SLC8A1: variants seen among roughly 807,000 people sequenced by gnomAD.
The protein encoded by SLC8A1 is solute carrier family 8 member A1.
A neutral mutation model predicts 68.3 loss-of-function variants in SLC8A1; 18 were observed. The ratio of observed to expected loss-of-function variants is 0.26; its 90% CI spans 0.18 to 0.39. The LOEUF is 0.39. Ranked by LOEUF, SLC8A1 falls within the 10% of genes least tolerant of loss-of-function variation. The pLI is 1.00. For missense variants in SLC8A1, 985 were observed against 1,156.7 expected (o/e 0.85, Z 2.15); for synonymous variants, 475 against 415.5 (o/e 1.14, Z -1.74).
At chr2:40,197,272 T>C (rs540204179) in intron 2 of SLC8A1, among the ~76,000 whole-genome samples, 1 of 152,014 alleles carries the variant, frequency 6.6e-6, no homozygotes, top group Non-Finnish European at 1.5e-5. Flanking sequence ...TACGCATGCA[T>C]GTAACTGCTA....
At chr2:40,372,583 T>C (rs1305736520) in intron 2 of SLC8A1, among the ~76,000 whole-genome samples, 1 of 151,662 alleles carries the variant, frequency 6.6e-6, no homozygotes, top group Admixed American at 6.6e-5. Context: ...GTGGTTGACT[T>C]CTTTTCTTTT....
Position 40,510,072 on chromosome 2 carries a change from C to T in SLC8A1, c.-25+2277G>A, listed in dbSNP as rs369395891. On this transcript the variant is annotated intron_variant, in intron 1 of 7. Coordinates refer to the SLC8A1 transcript ENST00000402441. ...CGATCTCTTGACCTCATGGTCTGCC[C>T]TCCTCAGCCTCCCAAAGTGCTGGGA... Among the ~76,000 whole-genome samples the T allele has an allele frequency of 5.9e-5, 9 of 152,230 alleles. No individual in the cohort carries two copies. In the East Asian group the frequency reaches 1.7e-3, roughly 30 times the overall value.
At chr2:40,125,238 A>C (rs17559651) in intron 7 of SLC8A1, among the ~76,000 whole-genome samples, 53,276 of 152,008 alleles carry the variant, frequency 0.35, 11,022 homozygotes, top group Middle Eastern at 0.51. Context: ...GATGAAAAGC[A>C]TCCTATATAC....
chr2:40,157,947 T>C lies in SLC8A1; in HGVS notation c.2161+2818A>G, dbSNP rs572087237. Among the ~76,000 whole-genome samples, 4 of 152,324 alleles carry C rather than the reference T, an allele frequency of 2.6e-5. No homozygotes were observed. In the South Asian group the frequency reaches 6.2e-4, roughly 24 times the overall value. ...CACAGGAGGCCCAAGTACTGAGCTATGAAATTCAGAAAAAGCAGAGGGACA... is the reference window on the plus strand; with the variant it reads ...CACAGGAGGCCCAAGTACTGAGCTACGAAATTCAGAAAAAGCAGAGGGACA... On this transcript the variant is annotated intron_variant, in intron 6 of 7. Coordinates refer to ENST00000406785, the Ensembl canonical transcript of SLC8A1.
At chr2:40,435,960 G>A (rs923376064) in intron 1 of SLC8A1, among the ~76,000 whole-genome samples, 2 of 95,986 alleles carry the variant, frequency 2.1e-5, no homozygotes, top group African/African-American at 3.9e-5. Flanking sequence ...TTTTTTTTTT[G>A]TATTTTTAGT....
chr2:40,184,153 C>T (rs753230408), intron 2 of SLC8A1, among the ~76,000 whole-genome samples: 7 of 151,944 alleles, frequency 4.6e-5, no homozygotes, highest in African/African-American at 1.2e-4. Context: ...TCCAGAACTG[C>T]GAGACAGAGT....
At chr2:40,189,637 T>C (rs1446042531) in intron 2 of SLC8A1, 3 of 152,176 alleles carry the variant, frequency 2.0e-5, no homozygotes, top group Non-Finnish European at 4.4e-5. Flanking sequence ...ATTAAAGTAA[T>C]ACTTGCTAAT....
chr2:40,334,925 C>T (rs759849089), intron 2 of SLC8A1, among the ~76,000 whole-genome samples: 1 of 152,182 alleles, frequency 6.6e-6, no homozygotes, highest in African/African-American at 2.4e-5. Flanking sequence ...ATGTCACCTA[C>T]CACTGTCCTT....
chr2:40,388,320 T>C lies in SLC8A1; in HGVS notation c.1808+40153A>G, dbSNP rs1379837890. Among the ~76,000 whole-genome samples, 12 of 152,262 alleles carry C rather than the reference T, an allele frequency of 7.9e-5. No homozygotes were observed. In the East Asian group the frequency reaches 2.3e-3, roughly 29 times the overall value. On this transcript the variant is annotated intron_variant, in intron 2 of 7. Coordinates refer to ENST00000406785, the Ensembl canonical transcript of SLC8A1. ...GTGTGTCCCCGTGAAACATAAGATA[T>C]ATAGTTGTTGTTGCATAATGAGTTC...
rs1227842469 is a variant in SLC8A1 at position 40,345,994 on chromosome 2, C to T, written c.1808+82479G>A. ...ACCTGCACATACTGCACGTGTATCCCCAGAACTTAAAGTAAAATTAAAATA... is the reference window on the plus strand; with the variant it reads ...ACCTGCACATACTGCACGTGTATCCTCAGAACTTAAAGTAAAATTAAAATA... On this transcript the variant is annotated intron_variant, in intron 2 of 7. Coordinates refer to ENST00000406785, the Ensembl canonical transcript of SLC8A1. 2.1e-5 allele frequency among the ~76,000 whole-genome samples: 3 copies of T among 146,208 alleles called. No individual in the cohort carries two copies. The East Asian group carries it at 5.9e-4, about 29-fold the overall frequency.
chr2:40,169,900 C>T (rs1198517696), intron 4 of SLC8A1, among the ~76,000 whole-genome samples: 1 of 152,130 alleles, frequency 6.6e-6, no homozygotes, highest in African/African-American at 2.4e-5. Context: ...GTGATTGATT[C>T]CACCACTGCA....
intron 2 of SLC8A1, among the ~76,000 whole-genome samples, chr2:40,180,951 C>T (rs1006479189): frequency 2.5e-4 from 24 of 95,054 alleles, no homozygotes; most frequent in Admixed American, 4.6e-4. Context: ...CTTTTAATAG[C>T]TTTATTTTCT....
chr2:40,283,003 T>C (rs1196354495), intron 2 of SLC8A1, among the ~76,000 whole-genome samples: 1 of 152,196 alleles, frequency 6.6e-6, no homozygotes, highest in African/African-American at 2.4e-5. Flanking sequence ...TTTTTATTAG[T>C]TCACCACAAC....
chr2:40,300,955 T>C (rs1436385757), intron 2 of SLC8A1, among the ~76,000 whole-genome samples: 3 of 152,148 alleles, frequency 2.0e-5, no homozygotes, highest in Non-Finnish European at 4.4e-5. Flanking sequence ...CTATACGTAA[T>C]TGTCCTTTTT....
chr2:40,284,640 A>C (rs2068021460), intron 2 of SLC8A1, among the ~76,000 whole-genome samples: 3 of 139,822 alleles, frequency 2.1e-5, no homozygotes, highest in African/African-American at 8.3e-5. Context: ...TTGGGGAAAA[A>C]CATATATAAA....
At chr2:40,337,105 A>G (rs1024438338) in intron 2 of SLC8A1, among the ~76,000 whole-genome samples, 1 of 152,172 alleles carries the variant, frequency 6.6e-6, no homozygotes, top group Non-Finnish European at 1.5e-5. Flanking sequence ...TTCTTTTTAC[A>G]TATAAGCATG....
intron 1 of SLC8A1, among the ~76,000 whole-genome samples, chr2:40,439,557 A>T (rs1440038312): frequency 1.3e-5 from 2 of 152,172 alleles, no homozygotes; most frequent in African/African-American, 4.8e-5. Flanking sequence ...GTTGAATGAC[A>T]GTCAATCCAG....
At chr2:40,415,268 G>C (rs964767917) in intron 2 of SLC8A1, among the ~76,000 whole-genome samples, 12 of 152,130 alleles carry the variant, frequency 7.9e-5, no homozygotes, top group African/African-American at 2.9e-4. Context: ...GGACTTCCAA[G>C]AGTCTCTCAT....
chr2:40,178,332 G>C, intron 2 of SLC8A1, 55 bp downstream of exon 3: 1 of 1,312,178 alleles, frequency 7.6e-7, no homozygotes, highest in Admixed American at 1.7e-5. Flanking sequence ...AGGCATCCAG[G>C]GGTGGCACAG....
Sources: gnomAD v4.1 joint callset for allele counts (sites outside exome capture counted in the v4.1 genomes callset) on GRCh38, gnomAD v4.1.1 for gene constraint, MANE v1.5 for transcripts, NCBI Gene and HGNC (gene_info 2026-07-23, HGNC 2026-07-21) for gene names.